The following LRMDA variants were observed in gnomAD, a reference collection of about 807,000 sequenced individuals.
LRMDA encodes the protein leucine-rich melanocyte differentiation-associated protein.
Under a neutral mutation model 29.8 loss-of-function variants are expected in LRMDA, and 18 were observed. The ratio of observed to expected loss-of-function variants is 0.60; its 90% confidence interval spans 0.42 to 0.90. The LOEUF (loss-of-function observed/expected upper bound fraction) is 0.90, where lower values mean the gene tolerates loss of function less well. Among genes scored for constraint, LRMDA ranks in the 40% least tolerant of loss-of-function variants. The pLI is 0.00. For synonymous variants in LRMDA, 125 were observed against 109.4 expected, an observed-to-expected ratio of 1.14 and a Z score of -0.89; for missense variants, 273 against 273.9, an observed-to-expected ratio of 1.00 and a Z score of 0.02.
intron 5 of LRMDA, among the ~76,000 whole-genome samples, chr10:76,144,091 G>T (rs1430814827): frequency 6.6e-6 from 1 of 152,186 alleles, no homozygotes; most frequent in African/African-American, 2.4e-5. Flanking sequence ...TTTGGTTACT[G>T]TAGCCTTGTA....
intron 5 of LRMDA, among the ~76,000 whole-genome samples, chr10:76,145,447 ATTTC>A (rs1019122249): frequency 6.6e-6 from 1 of 151,850 alleles, no homozygotes; most frequent in Non-Finnish European, 1.5e-5. Context: ...GAATTTATCT[ATTTC>A]TTCTAGATTT....
At position 75,974,960 on chromosome 10, in the gene LRMDA, G is replaced by A. The variant is rs547782234; in HGVS notation, c.132-61048G>A. Among the ~76,000 whole-genome samples the A allele has an allele frequency of 3.3e-3, 502 of 152,320 alleles. 3 individuals are homozygous for A. The highest frequency in any genetic ancestry group is 5.9e-3 in the Non-Finnish European group (403 of 68,032). On this transcript the variant is annotated intron_variant, in intron 2 of 6. Coordinates refer to ENST00000611255, the MANE Select transcript of LRMDA (RefSeq NM_001305581.2). ...ACTTGTGTATTTAAAAACCAATGAG[G>A]AAGATGGATGCTTTAATGAGCGATG...
intron 5 of LRMDA, among the ~76,000 whole-genome samples, chr10:76,322,967 T>C (rs1237258417): frequency 1.3e-5 from 2 of 152,212 alleles, no homozygotes; most frequent in East Asian, 3.9e-4. Flanking sequence ...GTGACTGTAG[T>C]ATTTGATTTT....
intron 2 of LRMDA, among the ~76,000 whole-genome samples, chr10:75,510,764 AG>A (rs930963940): frequency 9.2e-5 from 14 of 152,190 alleles, no homozygotes; most frequent in Admixed American, 6.5e-4. Flanking sequence ...TTGGCCATGG[AG>A]GCAGAAGAGA....
chr10:76,058,517 T>G, intron 4 of LRMDA, 149 bp from the exon 5 acceptor site: 2 of 696,296 alleles, frequency 2.9e-6, no homozygotes, highest in Admixed American at 4.2e-5. Context: ...AACAGTTGTT[T>G]ATTCTTTGTG....
chr10:76,026,058 TACTTA>T (rs1848057571), intron 2 of LRMDA, among the ~76,000 whole-genome samples: 1 of 152,074 alleles, frequency 6.6e-6, no homozygotes, highest in Non-Finnish European at 1.5e-5. Flanking sequence ...ACCTAATGCA[TACTTA>T]ACTTCAAAGG....
intron 2 of LRMDA, among the ~76,000 whole-genome samples, chr10:75,611,183 G>C (rs1841027091): frequency 6.6e-6 from 1 of 152,156 alleles, no homozygotes; most frequent in Non-Finnish European, 1.5e-5. Context: ...TAGGAGTGAT[G>C]ATCTGGACAG....
chr10:76,216,928 C>T lies in LRMDA; in HGVS notation c.517-107473C>T, dbSNP rs184055209. Among the ~76,000 whole-genome samples the T allele has an allele frequency of 1.3e-3, 194 of 152,194 alleles. 1 individual carries two copies. The highest frequency in any genetic ancestry group is 9.2e-3 in the Admixed American group (140 of 15,276). ...TATGTATTTTCAATGGACTATTATA[C>T]ACCAGTTAAAACAAGTGAAGTGGCA... is the stretch of plus-strand genomic sequence containing the variant. On this transcript the variant is annotated intron_variant, in intron 5 of 6. Coordinates refer to ENST00000611255, the MANE Select transcript of LRMDA (RefSeq NM_001305581.2).
chr10:76,170,551 A>G (rs1420601472), intron 5 of LRMDA, among the ~76,000 whole-genome samples: 1 of 152,210 alleles, frequency 6.6e-6, no homozygotes, highest in African/African-American at 2.4e-5. Context: ...TCAGTTTCTC[A>G]TACGTAAAGC....
rs142168812 is a variant in LRMDA, at chr10:76,293,066, C to T, written c.517-31335C>T. Among the ~76,000 whole-genome samples the T allele has an allele frequency of 2.6e-3, 396 of 152,258 alleles. 3 individuals carry two copies. The highest frequency in any genetic ancestry group is 6.8e-3 in the Middle Eastern group (2 of 294). ...TCGGCTCACTGCAAGCTCCACCTCC[C>T]GCCTCCCAGGTTCATGCAATTCTCT... is the stretch of plus-strand genomic sequence containing the variant. On this transcript the variant is annotated intron_variant, in intron 5 of 6. Transcript: ENST00000611255.
chr10:75,774,116 C>T (rs986795942), intron 2 of LRMDA, among the ~76,000 whole-genome samples: 2 of 152,242 alleles, frequency 1.3e-5, no homozygotes, highest in African/African-American at 4.8e-5. Context: ...TCTCCACACA[C>T]TCCAGCCCTA....
chr10:76,014,708 T>C (rs753077091), intron 2 of LRMDA, among the ~76,000 whole-genome samples: 9 of 152,186 alleles, frequency 5.9e-5, no homozygotes, highest in Non-Finnish European at 1.0e-4. Flanking sequence ...CAACTTAGGC[T>C]CCTTCTAAAG....
chr10:76,274,946 G>T (rs1019864701), intron 5 of LRMDA, among the ~76,000 whole-genome samples: 3 of 152,030 alleles, frequency 2.0e-5, no homozygotes, highest in Non-Finnish European at 2.9e-5. Context: ...TTCCATAGTT[G>T]TTTAGTGTTG....
chr10:76,446,731 A>G (rs576291715), intron 6 of LRMDA, among the ~76,000 whole-genome samples: 1 of 152,348 alleles, frequency 6.6e-6, no homozygotes, highest in South Asian at 2.1e-4. Flanking sequence ...CATCTCAAGA[A>G]AAAGCAGGTT....
At chr10:75,511,679 C>A (rs1845227796) in intron 2 of LRMDA, among the ~76,000 whole-genome samples, 1 of 152,148 alleles carries the variant, frequency 6.6e-6, no homozygotes, top group African/African-American at 2.4e-5. Context: ...ATATTTTTAA[C>A]CAGTTGAACC....
At chr10:75,440,683 C>T (rs73288991) in intron 2 of LRMDA, among the ~76,000 whole-genome samples, 1,957 of 152,182 alleles carry the variant, frequency 0.013, 50 homozygotes, top group African/African-American at 0.044. Context: ...TCTATCTTTG[C>T]CTTCAGCTGA....
chr10:76,497,214 GA>G lies in LRMDA; in HGVS notation c.602-59994del, dbSNP rs1842883940. On this transcript the variant is annotated intron_variant, in intron 6 of 6. Transcript: ENST00000611255. ...ATCTTTTTTTTCCCCTCTTTTAAAA[GA>G]TATTTCAAACTTTCTTTTCATACAT... Among the ~76,000 whole-genome samples, 2 of 74,408 alleles carry G rather than the reference GA, an allele frequency of 2.7e-5. 1 individual carries two copies. Among genetic ancestry groups the G allele is most frequent in the South Asian group, 7.1e-4 (2 of 2,824 alleles). 48.8% of individuals were successfully genotyped at this position (74,408 alleles called of 152,430 possible). A position where few individuals can be genotyped will look rare whatever the true frequency, so the allele number is the denominator to read the frequency against.
intron 6 of LRMDA, among the ~76,000 whole-genome samples, chr10:76,464,207 C>T (rs1466610767): frequency 1.3e-5 from 2 of 152,136 alleles, no homozygotes; most frequent in Non-Finnish European, 2.9e-5. Flanking sequence ...GTGTAAGCCG[C>T]TGCGCCCGGC....
At position 75,618,405 on chromosome 10, in the gene LRMDA, T is replaced by A. The variant is rs970368991; in HGVS notation, c.131+179911T>A. Among the ~76,000 whole-genome samples the A allele has an allele frequency of 7.6e-5, 11 of 144,780 alleles. No homozygotes were observed. The South Asian group carries it at 1.9e-3, about 25-fold the overall frequency. The allele number at this position is 144,780 out of a possible 152,430, so 95.0% of individuals were successfully genotyped here. On this transcript the variant is annotated intron_variant, in intron 2 of 6. Coordinates refer to ENST00000611255, the MANE Select transcript of LRMDA (RefSeq NM_001305581.2). ...CTCTATATATATATATATATATATA[T>A]ATCAGACTATATATATATCAACTAT... is the stretch of plus-strand genomic sequence containing the variant.
Sources: allele counts gnomAD v4.1 joint callset (sites outside exome capture counted in the v4.1 genomes callset), GRCh38; gene constraint gnomAD v4.1.1; transcripts MANE v1.5; gene names NCBI Gene and HGNC (gene_info 2026-07-23, HGNC 2026-07-21).